Variants in MACIR observed in about 807,000 individuals in gnomAD.
MACIR encodes the protein macrophage immunometabolism regulator.
Under a neutral mutation model 14.3 loss-of-function variants are expected in MACIR, and 4 were observed. That is an observed-to-expected ratio of 0.28 (90% CI 0.14 to 0.64). MACIR has a LOEUF of 0.64. Among genes scored for constraint, MACIR ranks in the 30% least tolerant of loss-of-function variants. MACIR has a pLI of 0.83. For missense variants in MACIR, 228 were observed against 257.6 expected, an observed-to-expected ratio of 0.89 and a Z score of 0.79; for synonymous variants, 101 against 102.4, an observed-to-expected ratio of 0.99 and a Z score of 0.08.
chr5:103,275,365 C>T (rs980451679), intron 2 of MACIR, among the ~76,000 whole-genome samples: 8 of 152,118 alleles, frequency 5.3e-5, no homozygotes, highest in African/African-American at 9.7e-5. Flanking sequence ...TGCAGAAATT[C>T]GTCAGCTCAA....
At chr5:103,275,177 AT>A (rs1359522687) in intron 2 of MACIR, among the ~76,000 whole-genome samples, 1 of 152,224 alleles carries the variant, frequency 6.6e-6, no homozygotes, top group South Asian at 2.1e-4. Flanking sequence ...TGTTTTATAC[AT>A]TTTTAGTATT....
chr5:103,258,543 ACTT>A (rs1462276935), upstream of MACIR, among the ~76,000 whole-genome samples: 3 of 152,030 alleles, frequency 2.0e-5, no homozygotes, highest in Non-Finnish European at 2.9e-5. Context: ...ACCCCCGCCA[ACTT>A]CTTCTGGCCT....
At chr5:103,275,263 T>A (rs887314951) in intron 2 of MACIR, among the ~76,000 whole-genome samples, 1 of 152,214 alleles carries the variant, frequency 6.6e-6, no homozygotes, top group African/African-American at 2.4e-5. Flanking sequence ...ATTGGGGATA[T>A]GGAAGGAAGA....
intron 2 of MACIR, among the ~76,000 whole-genome samples, chr5:103,268,718 T>C (rs1413093569): frequency 6.6e-6 from 1 of 152,160 alleles, no homozygotes; most frequent in African/African-American, 2.4e-5. Context: ...TTGAAGCTCC[T>C]TGCATGATTC....
chr5:103,269,741 G>A (rs1344098227), intron 2 of MACIR, among the ~76,000 whole-genome samples: 1 of 152,066 alleles, frequency 6.6e-6, no homozygotes, highest in Non-Finnish European at 1.5e-5. Flanking sequence ...GTTCTTCTTG[G>A]TGCACGGGGT....
At chr5:103,258,481 G>A (rs1194890490), upstream of MACIR, among the ~76,000 whole-genome samples, 2 of 151,946 alleles carry the variant, frequency 1.3e-5, no homozygotes, top group African/African-American at 4.8e-5. Flanking sequence ...GTTTAGACTA[G>A]AGAGCGGGTG....
At position 103,269,935 on chromosome 5, in the gene MACIR, A is replaced by C. The variant is rs2288783; in HGVS notation, c.-24+3938A>C. ...AAGGAAAGTTTACATTTAGTTTGTAAATTTCTTTAAAGAGGTATCTAAGTG... is the reference window on the plus strand; with the variant it reads ...AAGGAAAGTTTACATTTAGTTTGTACATTTCTTTAAAGAGGTATCTAAGTG... On this transcript the variant is annotated intron_variant, in intron 2 of 2. Coordinates refer to ENST00000319933, the MANE Select transcript of MACIR (RefSeq NM_033211.4). 4.6e-5 allele frequency among the ~76,000 whole-genome samples: 7 copies of C among 152,294 alleles called. No homozygotes were observed. In the East Asian group the frequency reaches 1.3e-3, roughly 29 times the overall value.
chr5:103,268,672 C>T (rs1485146795), intron 2 of MACIR, among the ~76,000 whole-genome samples: 2 of 152,184 alleles, frequency 1.3e-5, no homozygotes, highest in Admixed American at 6.5e-5. Context: ...TCAGTTAAAT[C>T]ACAAATCTGG....
intron 2 of MACIR, among the ~76,000 whole-genome samples, chr5:103,270,684 T>C (rs1178918644): frequency 2.6e-5 from 4 of 152,204 alleles, no homozygotes; most frequent in African/African-American, 9.7e-5. Context: ...CTCTTTGAGA[T>C]ATCTCTGTGT....
At position 103,276,610 on chromosome 5, in the gene MACIR, T is replaced by C; in HGVS notation, c.*70T>C. On this transcript the variant is annotated 3_prime_UTR_variant, in exon 3 of 3. Transcript: ENST00000319933. The stretch of plus-strand genomic sequence containing the variant: ...GGCTAGAAAAAACCCACTGCTGTAC[T>C]CTGTACATGACTCTTCACACTATAG... 7.2e-7 allele frequency: 1 copy of C among 1,389,098 alleles called. No homozygotes were observed. The allele number at this position is 1,389,098 out of a possible 1,614,324, so 86.0% of individuals were successfully genotyped here. A position where few individuals can be genotyped will look rare whatever the true frequency, so the allele number is the denominator to read the frequency against.
intron 2 of MACIR, among the ~76,000 whole-genome samples, chr5:103,271,936 G>A (rs1257743678): frequency 3.3e-5 from 5 of 152,076 alleles, no homozygotes; most frequent in African/African-American, 9.7e-5. Context: ...TGATCTCTGG[G>A]TTTTAGTGCT....
At position 103,278,622 on chromosome 5, in the gene MACIR, C is replaced by T. The variant is rs114110583; in HGVS notation, c.*2082C>T. 804 of 167,130 alleles carry T rather than the reference C, an allele frequency of 4.8e-3. 5 individuals are homozygous for T. Among genetic ancestry groups the T allele is most frequent in the Non-Finnish European group, 9.4e-3 (640 of 68,094 alleles). 10.4% of individuals were successfully genotyped at this position (167,130 alleles called of 1,614,324 possible). A position where few individuals can be genotyped will look rare whatever the true frequency, so the allele number is the denominator to read the frequency against. On this transcript the variant is annotated 3_prime_UTR_variant, in exon 3 of 3. Coordinates refer to ENST00000319933, the MANE Select transcript of MACIR (RefSeq NM_033211.4). ...GAGACCTGTTCTGTCCGTGTGCCTA[C>T]GTTCCTTAATAATAGCTAAATAAAA...
intron 2 of MACIR, among the ~76,000 whole-genome samples, chr5:103,266,283 A>G (rs1562547855): frequency 6.6e-6 from 1 of 152,166 alleles, no homozygotes; most frequent in African/African-American, 2.4e-5. Context: ...ATGAAATAAT[A>G]TTTCAAAGTA....
In MACIR at chr5:103,277,596, T is replaced by G. The variant is rs1481387233; in HGVS notation, c.*1056T>G. 2 of 167,068 alleles carry G rather than the reference T, an allele frequency of 1.2e-5. No homozygotes were observed. Among genetic ancestry groups the G allele is most frequent in the Non-Finnish European group, 2.9e-5 (2 of 68,108 alleles). 10.3% of individuals were successfully genotyped at this position (167,068 alleles called of 1,614,324 possible). On this transcript the variant is annotated 3_prime_UTR_variant, in exon 3 of 3. Transcript: ENST00000319933. The stretch of plus-strand genomic sequence containing the variant: ...AGTTTCTAGGATTAGTGTAGGAGCC[T>G]AACGTGCTTCTACTGTTTTAATGGG...
chr5:103,276,086 T>C lies in MACIR; in HGVS notation c.167T>C (p.Met56Thr), dbSNP rs1554237654. Reference protein sequence around the residue: ...RTVSGYQILHMDSNYLVGFTT... With the variant: ...RTVSGYQILHTDSNYLVGFTT... ...GTGTCAGGCTACCAGATCCTACACA[T>C]GGACTCTAACTATTTGGTTGGCTTC... The change falls in exon 3 of 3, where the codon ATG (methionine) becomes ACG (threonine). Residue 56 changes from methionine (M) to threonine (T), a missense_variant. Physicochemically the swap from Met to Thr is moderately conservative, Grantham distance 81. Transcript: ENST00000319933. 1 of 1,613,976 alleles carries C rather than the reference T, an allele frequency of 6.2e-7. No individual in the cohort carries two copies. The highest frequency in any genetic ancestry group is 2.2e-5 in the East Asian group (1 of 44,888).
intron 1 of MACIR, among the ~76,000 whole-genome samples, chr5:103,265,651 A>T (rs782263261): frequency 7.9e-5 from 12 of 152,270 alleles, no homozygotes; most frequent in Middle Eastern, 6.8e-3. Context: ...TATTTAGCCC[A>T]GTTAGGTACT....
intron 1 of MACIR, among the ~76,000 whole-genome samples, chr5:103,261,647 TTTC>T (rs1804695136): frequency 1.2e-4 from 7 of 60,178 alleles, no homozygotes; most frequent in African/African-American, 5.9e-4. Context: ...TTTTTCTTTC[TTTC>T]TTTCTTTCTT....
intron 1 of MACIR, among the ~76,000 whole-genome samples, chr5:103,261,694 CTTTCTTTCTTCCTTT>C (rs1562545851): frequency 9.2e-4 from 107 of 116,802 alleles, no homozygotes; most frequent in African/African-American, 2.4e-3. Context: ...TTCTTTCTTT[CTTTCTTTCTTCCTTT>C]CTTTCTTTCT....
rs782390027 is a variant in MACIR, at chr5:103,276,267, A to T, written c.348A>T (p.Pro116=). 1.4e-5 allele frequency: 23 copies of T among 1,612,602 alleles called. No homozygotes were observed. The South Asian group carries it at 2.2e-4, about 15-fold the overall frequency. Residue 116 remains proline, a synonymous_variant, in exon 3 of 3, where the codon CCA becomes CCT. Coordinates refer to ENST00000319933, the MANE Select transcript of MACIR (RefSeq NM_033211.4). Reference sequence around the variant, plus strand: ...AAACCAGAAGTAGGTACTACCAGCCATACGAGATTCCAGCTGTCAATGGCA... The same window carrying T: ...AAACCAGAAGTAGGTACTACCAGCCTTACGAGATTCCAGCTGTCAATGGCA... ...LYKTRSRYYQ[P]YEIPAVNGRR...
Sources: allele counts gnomAD v4.1 joint callset (sites outside exome capture counted in the v4.1 genomes callset), GRCh38; gene constraint gnomAD v4.1.1; transcripts MANE v1.5; gene names NCBI Gene and HGNC (gene_info 2026-07-23, HGNC 2026-07-21).